Variants in RNF17 observed in about 807,000 individuals in gnomAD.
RNF17 encodes ring finger protein 17, also known as spermatogenesis associated 23.
A neutral mutation model predicts 200.5 loss-of-function variants in RNF17; 31 were observed. That is an observed-to-expected ratio of 0.15 (90% CI 0.12 to 0.21). RNF17 has a LOEUF of 0.21. Among genes scored for constraint, RNF17 ranks in the 10% least tolerant of loss-of-function variants. RNF17 has a pLI of 1.00. For missense variants in RNF17, 1,628 were observed against 1,905.1 expected, an observed-to-expected ratio of 0.85 and a Z score of 2.71; for synonymous variants, 606 against 637.8, an observed-to-expected ratio of 0.95 and a Z score of 0.75.
chr13:24,874,673 A>G (rs892910927), intron 33 of RNF17, among the ~76,000 whole-genome samples: 39 of 152,238 alleles, frequency 2.6e-4, no homozygotes, highest in African/African-American at 9.1e-4. Context: ...CAGCCTCCCA[A>G]AGTGCTGGGA....
chr13:24,843,517 A>C (rs9318858), intron 19 of RNF17, among the ~76,000 whole-genome samples: 128,810 of 150,912 alleles, frequency 0.85, 54,920 homozygotes, highest in Middle Eastern at 0.92. Flanking sequence ...GACTCCATTT[A>C]AAAAAAAAAA....
rs542148222 is a variant in RNF17, at chr13:24,842,177, A to G, written c.2603+16A>G. 68 of 1,576,030 alleles carry G rather than the reference A, an allele frequency of 4.3e-5. 1 individual carries two copies. The South Asian group carries it at 7.5e-4, about 17-fold the overall frequency. On this transcript the variant is annotated intron_variant, in intron 19 of 35. Transcript: ENST00000255324. ...ATGAAATAGGGTAAGTAGATATGTA[A>G]ACTTTCATTGTTAGTTCATGTTCTT... is the stretch of plus-strand genomic sequence containing the variant.
rs1020286120 is a variant in RNF17 at position 24,796,787 on chromosome 13, G to A, written c.1399+492G>A. 1.6e-4 allele frequency among the ~76,000 whole-genome samples: 25 copies of A among 152,070 alleles called. 1 individual carries two copies. The highest frequency in any genetic ancestry group is 4.1e-4 in the South Asian group (2 of 4,828). ...AGGATATGTGAATTTGCCATGCTTC[G>A]GGCTTTTGTTACGAGTATTTTTCTT... On this transcript the variant is annotated intron_variant, in intron 11 of 35. Transcript: ENST00000255324.
intron 1 of RNF17, 36 bp downstream of exon 1, chr13:24,764,369 G>T (rs535348964): frequency 3.0e-5 from 47 of 1,541,120 alleles, no homozygotes; most frequent in Non-Finnish European, 3.8e-5. Context: ...CGGGGAGGCA[G>T]CCTGGAGGGA....
At chr13:24,811,868 C>G (rs1277332070) in intron 15 of RNF17, among the ~76,000 whole-genome samples, 1 of 152,042 alleles carries the variant, frequency 6.6e-6, no homozygotes, top group Admixed American at 6.6e-5. Flanking sequence ...ACAGACAGGA[C>G]CCTCAGCTGC....
At chr13:24,796,838 C>T (rs1431489546) in intron 11 of RNF17, among the ~76,000 whole-genome samples, 1 of 151,990 alleles carries the variant, frequency 6.6e-6, no homozygotes, top group Non-Finnish European at 1.5e-5. Flanking sequence ...TTTGATTGTA[C>T]CTTGTAATAT....
At chr13:24,883,099 T>C (rs1593524164), downstream of RNF17, 7 of 1,283,284 alleles carry the variant, frequency 5.5e-6, no homozygotes, top group East Asian at 1.6e-4. Flanking sequence ...CACAATAAAT[T>C]AAACAGAATC....
rs541482378 is a variant in RNF17 at position 24,818,819 on chromosome 13, G to GT, written c.2092-6791dup. 4.6e-3 allele frequency among the ~76,000 whole-genome samples: 690 copies of GT among 151,018 alleles called. 4 individuals carry two copies. The highest frequency in any genetic ancestry group is 0.015 in the African/African-American group (616 of 41,284). On this transcript the variant is annotated intron_variant, in intron 15 of 35. Transcript: ENST00000255324. ...TGTGGACAGCATATAGTTGGATCATGTTTTTTTTTAATTAATTCTGCCAAT... is the reference window on the plus strand; with the variant it reads ...TGTGGACAGCATATAGTTGGATCATGTTTTTTTTTTAATTAATTCTGCCAAT...
downstream of RNF17, chr13:24,883,386 AAAT>A (rs752802354): frequency 2.1e-5 from 33 of 1,562,206 alleles, no homozygotes; most frequent in South Asian, 2.8e-4. Context: ...AATTTAAAAA[AAAT>A]ATGATTTCTT....
chr13:24,810,770 C>T (rs1483549508), intron 15 of RNF17, among the ~76,000 whole-genome samples: 4 of 145,520 alleles, frequency 2.7e-5, no homozygotes, highest in African/African-American at 7.9e-5. Context: ...GATTTTGCAG[C>T]AGCTGGTACC....
intron 16 of RNF17, among the ~76,000 whole-genome samples, chr13:24,827,701 C>CAAAAAAAAAAAA (rs538402990): frequency 8.2e-4 from 10 of 12,232 alleles, no homozygotes; most frequent in African/African-American, 1.8e-3. Context: ...GACTCCGTCT[C>CAAAAAAAAAAAA]AAAAAAAAAA....
chr13:24,794,467 A>ACC, intron 10 of RNF17, among the ~76,000 whole-genome samples: 1 of 152,154 alleles, frequency 6.6e-6, no homozygotes, highest in Non-Finnish European at 1.5e-5. Context: ...TGAGCTCAGG[A>ACC]GTTCGAAACC....
intron 2 of RNF17, among the ~76,000 whole-genome samples, chr13:24,770,195 G>A (rs1225117454): frequency 1.3e-5 from 2 of 152,058 alleles, no homozygotes; most frequent in Non-Finnish European, 2.9e-5. Context: ...ATCTTGGATA[G>A]GAAAGCATTG....
At chr13:24,885,653 A>G in the RNF17 span, 102 of 1,612,796 alleles carry the variant, frequency 6.3e-5, no homozygotes, top group Non-Finnish European at 8.1e-5. Flanking sequence ...GCAGACTTGG[A>G]TCTTCGAGGT....
downstream of RNF17, among the ~76,000 whole-genome samples, chr13:24,881,658 A>G (rs377523674): frequency 6.6e-5 from 10 of 150,540 alleles, no homozygotes; most frequent in East Asian, 1.8e-3. Flanking sequence ...ATATATCTAG[A>G]TAACCTATAT....
intron 31 of RNF17, among the ~76,000 whole-genome samples, chr13:24,869,211 C>A (rs936785608): frequency 6.6e-6 from 1 of 152,170 alleles, no homozygotes; most frequent in African/African-American, 2.4e-5. Flanking sequence ...AATAAAGGCA[C>A]TAAAAGTTCA....
intron 11 of RNF17, among the ~76,000 whole-genome samples, chr13:24,796,769 G>A (rs1241652549): frequency 1.3e-5 from 2 of 152,178 alleles, no homozygotes; most frequent in African/African-American, 4.8e-5. Context: ...GTGAGGATAT[G>A]TGAATTTGCC....
intron 19 of RNF17, among the ~76,000 whole-genome samples, chr13:24,842,853 C>T (rs1041007697): frequency 2.6e-5 from 4 of 151,796 alleles, no homozygotes; most frequent in Non-Finnish European, 4.4e-5. Flanking sequence ...GGCGTGGTGG[C>T]GTGCGTGCCT....
chr13:24,842,424 G>A (rs892714705), intron 19 of RNF17, among the ~76,000 whole-genome samples: 4 of 152,284 alleles, frequency 2.6e-5, no homozygotes, highest in Middle Eastern at 3.4e-3. Context: ...GGAGACTGCC[G>A]TCTTATTTCT....
Sources: allele counts gnomAD v4.1 joint callset (sites outside exome capture counted in the v4.1 genomes callset), GRCh38; gene constraint gnomAD v4.1.1; transcripts MANE v1.5; gene names NCBI Gene and HGNC (gene_info 2026-07-23, HGNC 2026-07-21).